The following MMP16 variants were observed in gnomAD, a reference collection of about 807,000 sequenced individuals.
MMP16 encodes matrix metalloproteinase-16.
A neutral mutation model predicts 67.8 loss-of-function variants in MMP16; 12 were observed. That is an observed-to-expected ratio of 0.18 (90% CI 0.11 to 0.29). The LOEUF (loss-of-function observed/expected upper bound fraction) is 0.29, where lower values mean the gene tolerates loss of function less well. Among genes scored for constraint, MMP16 ranks in the 10% least tolerant of loss-of-function variants. The pLI, the probability that MMP16 is intolerant of heterozygous loss-of-function variation, is 1.00. For synonymous variants in MMP16, 249 were observed against 255.9 expected (o/e 0.97, Z 0.26); for missense variants, 475 against 765.7 (o/e 0.62, Z 4.48).
intron 6 of MMP16, among the ~76,000 whole-genome samples, chr8:88,114,101 T>A (rs1267635371): frequency 1.3e-5 from 2 of 151,910 alleles, no homozygotes; most frequent in African/African-American, 4.8e-5. Context: ...TAAAACAGAA[T>A]GTTACCCATC....
At chr8:88,179,221 C>T (rs1433546529) in intron 3 of MMP16, among the ~76,000 whole-genome samples, 2 of 151,896 alleles carry the variant, frequency 1.3e-5, no homozygotes, top group Non-Finnish European at 2.9e-5. Flanking sequence ...GGGTAAAATA[C>T]CTTATCTGTA....
intron 4 of MMP16, 112 bp from the exon 5 acceptor site, chr8:88,118,973 T>C: frequency 1.0e-6 from 1 of 985,664 alleles, no homozygotes; most frequent in Non-Finnish European, 1.5e-6. Flanking sequence ...AGGTACTCTT[T>C]CCTTCAACTA....
At chr8:88,268,466 T>C (rs558287317) in intron 1 of MMP16, among the ~76,000 whole-genome samples, 1 of 152,346 alleles carries the variant, frequency 6.6e-6, no homozygotes, top group South Asian at 2.1e-4. Context: ...TCAAGGAATA[T>C]GTATTCTAGT....
chr8:88,272,055 A>G (rs1303287930), intron 1 of MMP16, among the ~76,000 whole-genome samples: 4 of 152,246 alleles, frequency 2.6e-5, no homozygotes, highest in African/African-American at 9.6e-5. Flanking sequence ...GGGACAATAT[A>G]TAAACTACAT....
chr8:88,253,528 T>TA (rs1810257466), intron 1 of MMP16, among the ~76,000 whole-genome samples: 2 of 152,074 alleles, frequency 1.3e-5, no homozygotes, highest in African/African-American at 4.8e-5. Context: ...AACCCCAGTC[T>TA]AATCATGAGA....
At chr8:88,159,777 A>G (rs1201077870) in intron 4 of MMP16, among the ~76,000 whole-genome samples, 1 of 152,032 alleles carries the variant, frequency 6.6e-6, no homozygotes, top group African/African-American at 2.4e-5. Flanking sequence ...TTTCTCATAA[A>G]AAGCTCTTAT....
chr8:88,120,737 A>C (rs1253896340), intron 4 of MMP16, among the ~76,000 whole-genome samples: 1 of 152,036 alleles, frequency 6.6e-6, no homozygotes, highest in East Asian at 1.9e-4. Context: ...GTGCTGACTC[A>C]GAAAATAGCT....
chr8:88,099,344 G>C (rs1420843011), intron 6 of MMP16, among the ~76,000 whole-genome samples: 1 of 151,492 alleles, frequency 6.6e-6, no homozygotes, highest in East Asian at 2.0e-4. Context: ...AGAACCTTTT[G>C]GTTTTTAAGA....
intron 6 of MMP16, among the ~76,000 whole-genome samples, chr8:88,112,666 G>GGTGTGTGTGTGTGTGTGTGT (rs6150692): frequency 0.44 from 64,702 of 146,416 alleles, 15,701 homozygotes; most frequent in Non-Finnish European, 0.56. Flanking sequence ...AGGACAGAAG[G>GGTGTGTGTGTGTGTGTGTGT]GTGTGTGTGT....
At chr8:88,114,098 G>A (rs1240843322) in intron 6 of MMP16, among the ~76,000 whole-genome samples, 2 of 151,800 alleles carry the variant, frequency 1.3e-5, no homozygotes, top group Non-Finnish European at 2.9e-5. Flanking sequence ...TTGTAAAACA[G>A]AATGTTACCC....
chr8:88,262,049 G>A (rs1810396277), intron 1 of MMP16, among the ~76,000 whole-genome samples: 2 of 152,152 alleles, frequency 1.3e-5, no homozygotes, highest in South Asian at 2.1e-4. Flanking sequence ...ACATTCCAGT[G>A]CCTAGCACAG....
chr8:88,203,387 C>A (rs999414321), intron 1 of MMP16, among the ~76,000 whole-genome samples: 1 of 152,140 alleles, frequency 6.6e-6, no homozygotes. Flanking sequence ...CAGGCATGAG[C>A]TACTGCGCCC....
intron 4 of MMP16, among the ~76,000 whole-genome samples, chr8:88,158,608 T>C (rs534881196): frequency 1.2e-3 from 189 of 152,362 alleles, no homozygotes; most frequent in Non-Finnish European, 2.5e-3. Flanking sequence ...TCTCCCATTC[T>C]GTAGGTTGCC....
At chr8:88,258,541 A>G (rs1355000742) in intron 1 of MMP16, among the ~76,000 whole-genome samples, 1 of 152,292 alleles carries the variant, frequency 6.6e-6, no homozygotes, top group African/African-American at 2.4e-5. Context: ...CAAAATCACT[A>G]AAAAAAGCAA....
At chr8:88,239,294 C>CAAAAAAAAAAAAAAA (rs34599512) in intron 1 of MMP16, among the ~76,000 whole-genome samples, 2 of 80,540 alleles carry the variant, frequency 2.5e-5, no homozygotes, top group Non-Finnish European at 4.4e-5. Flanking sequence ...GACGCAGTCT[C>CAAAAAAAAAAAAAAA]AAAAAAAAAA....
At chr8:88,155,030 C>T (rs1417323912) in intron 4 of MMP16, among the ~76,000 whole-genome samples, 3 of 151,964 alleles carry the variant, frequency 2.0e-5, no homozygotes, top group African/African-American at 7.3e-5. Flanking sequence ...CTGATAATAG[C>T]ATGATCAACA....
chr8:88,216,456 T>C lies in MMP16; in HGVS notation c.133-19150A>G, dbSNP rs543258498. Among the ~76,000 whole-genome samples the C allele has an allele frequency of 7.9e-5, 12 of 152,238 alleles. No individual in the cohort carries two copies. In the East Asian group the frequency reaches 2.3e-3, roughly 29 times the overall value. ...TGTCAGGAAGTTCACATCAATACAT[T>C]ATCATTTAATCATCAGATCCCACTT... On this transcript the variant is annotated intron_variant, in intron 1 of 9. Coordinates refer to ENST00000286614, the MANE Select transcript of MMP16 (RefSeq NM_005941.5).
rs900883450 is a variant in MMP16, at chr8:88,141,827, A to G, written c.710-22966T>C. 2.0e-5 allele frequency among the ~76,000 whole-genome samples: 3 copies of G among 152,294 alleles called. No homozygotes were observed. In the East Asian group the frequency reaches 5.8e-4, roughly 29 times the overall value. The stretch of plus-strand genomic sequence containing the variant: ...AACATAACAACATATTAAGTTCTTT[A>G]AAAATGTTCATGCTCCTTGGTCAAA... On this transcript the variant is annotated intron_variant, in intron 4 of 9. Transcript: ENST00000286614.
At chr8:88,277,086 A>T (rs945651101) in intron 1 of MMP16, among the ~76,000 whole-genome samples, 8 of 152,306 alleles carry the variant, frequency 5.3e-5, no homozygotes, top group Admixed American at 3.9e-4. Flanking sequence ...GAGAAGTGAA[A>T]TAAATCTTTT....
Sources: gnomAD v4.1 joint callset for allele counts (sites outside exome capture counted in the v4.1 genomes callset) on GRCh38, gnomAD v4.1.1 for gene constraint, MANE v1.5 for transcripts, NCBI Gene and HGNC (gene_info 2026-07-23, HGNC 2026-07-21) for gene names.